Variants in ANKRD55 observed in about 807,000 individuals in gnomAD.
ANKRD55 encodes the protein ankyrin repeat domain-containing protein 55.
In ANKRD55, 41 loss-of-function variants were observed where a neutral mutation model predicts 60.6. The observed-to-expected ratio is 0.68, with a 90% CI of 0.53 to 0.88. The LOEUF is 0.88. Among genes scored for constraint, ANKRD55 ranks in the 40% least tolerant of loss-of-function variants. The pLI, the probability that ANKRD55 is intolerant of heterozygous loss-of-function variation, is 0.00. For synonymous variants in ANKRD55, 264 were observed against 290.3 expected (o/e 0.91, Z 0.92); for missense variants, 732 against 767.6 (o/e 0.95, Z 0.55).
At chr5:56,122,106 T>C (rs1158860106) in intron 8 of ANKRD55, among the ~76,000 whole-genome samples, 2 of 152,130 alleles carry the variant, frequency 1.3e-5, no homozygotes, top group East Asian at 3.9e-4. Flanking sequence ...GGAGATAGAG[T>C]TGCATCTCTG....
intron 2 of ANKRD55, chr5:56,193,200 A>C (rs1200033527): frequency 3.5e-6 from 3 of 848,468 alleles, no homozygotes; most frequent in Non-Finnish European, 5.5e-6. Flanking sequence ...CTAAGCAAAG[A>C]AAGCCTTGAA....
At chr5:56,183,438 T>C in intron 3 of ANKRD55, 74 bp downstream of exon 3, 1 of 1,574,056 alleles carries the variant, frequency 6.4e-7, no homozygotes, top group Non-Finnish European at 8.7e-7. Flanking sequence ...TTTATTAACA[T>C]TGCTCATGTC....
Position 56,111,327 on chromosome 5 carries a change from C to T in ANKRD55, c.1421G>A (p.Arg474Gln), listed in dbSNP as rs778736276. Residue 474 changes from arginine to glutamine, a missense_variant, in exon 10 of 12, where the codon CGA (arginine) becomes CAA (glutamine). Coordinates refer to ENST00000341048, the MANE Select transcript of ANKRD55 (RefSeq NM_024669.3). ...HHMAQRSQKS[R>Q]SEQDLLNNRT... ...GTTATTTAATAAATCCTGCTCACTT[C>T]GACTTTTCTGAGATCGCTGGGCCAT... is the stretch of plus-strand genomic sequence containing the variant. 33 of 1,614,002 alleles carry T rather than the reference C, an allele frequency of 2.0e-5. No individual in the cohort carries two copies. Among genetic ancestry groups the T allele is most frequent in the African/African-American group, 4.0e-5 (3 of 74,886 alleles).
intron 2 of ANKRD55, among the ~76,000 whole-genome samples, chr5:56,206,005 G>A (rs1759497953): frequency 7.1e-6 from 1 of 139,950 alleles, no homozygotes; most frequent in East Asian, 2.1e-4. Flanking sequence ...GACAGAGTCT[G>A]ACTCCCATCG....
At chr5:56,126,839 C>T in intron 8 of ANKRD55, 83 bp downstream of exon 8, 1 of 1,459,290 alleles carries the variant, frequency 6.9e-7, no homozygotes, top group African/African-American at 1.4e-5. Flanking sequence ...GTATAGGACA[C>T]CTCCTTAAAC....
At chr5:56,131,976 T>A (rs191204) in intron 7 of ANKRD55, among the ~76,000 whole-genome samples, 83,673 of 151,414 alleles carry the variant, frequency 0.55, 23,851 homozygotes, top group African/African-American at 0.7. Flanking sequence ...TTTGTTCAAA[T>A]TACTAACAGC....
intron 5 of ANKRD55, among the ~76,000 whole-genome samples, chr5:56,166,111 T>TTTCC (rs1758453389): frequency 1.3e-5 from 1 of 76,120 alleles, no homozygotes; most frequent in Non-Finnish European, 2.6e-5. Context: ...TCTTTCTTTC[T>TTTCC]TTCTTTCTTT....
chr5:56,127,186 A>T (rs562724825), intron 7 of ANKRD55, 80 bp from the exon 8 acceptor site: 1 of 1,347,236 alleles, frequency 7.4e-7, no homozygotes, highest in Admixed American at 3.0e-5. Context: ...ATAAAAATAC[A>T]AAGGAAAAAA....
chr5:56,195,177 A>G (rs964717663), intron 2 of ANKRD55, among the ~76,000 whole-genome samples: 15 of 152,256 alleles, frequency 9.9e-5, no homozygotes, highest in South Asian at 4.1e-4. Context: ...GATAATTCTA[A>G]CAACGCAGAA....
intron 11 of ANKRD55, among the ~76,000 whole-genome samples, chr5:56,101,994 G>A (rs161204): frequency 0.18 from 27,792 of 151,714 alleles, 3,044 homozygotes; most frequent in Middle Eastern, 0.36. Flanking sequence ...GGGAGGGAGT[G>A]TTATTTTTTT....
intron 11 of ANKRD55, 90 bp downstream of exon 11, chr5:56,102,402 AAG>A: frequency 9.8e-7 from 1 of 1,019,270 alleles, no homozygotes; most frequent in East Asian, 2.7e-5. Flanking sequence ...AAAAAAAAAA[AAG>A]AAAAATGAAA....
chr5:56,111,101 G>A lies in ANKRD55; in HGVS notation c.1630+17C>T. 6.2e-7 allele frequency: 1 copy of A among 1,603,708 alleles called. No individual in the cohort carries two copies. The highest frequency in any genetic ancestry group is 1.1e-5 in the South Asian group (1 of 89,332). ...TATAGAGCCTGCTGAGAATGAACAT[G>A]AAATCAAGGACATTACCTGATGATG... On this transcript the variant is annotated intron_variant, in intron 10 of 11. Transcript: ENST00000341048.
chr5:56,118,877 A>C (rs576280369), intron 8 of ANKRD55, among the ~76,000 whole-genome samples: 2 of 152,226 alleles, frequency 1.3e-5, no homozygotes, highest in African/African-American at 4.8e-5. Flanking sequence ...AAGAAAAACA[A>C]ACAAACAAAC....
intron 2 of ANKRD55, among the ~76,000 whole-genome samples, chr5:56,198,393 C>T (rs1182310970): frequency 6.6e-6 from 1 of 151,942 alleles, no homozygotes; most frequent in Non-Finnish European, 1.5e-5. Flanking sequence ...TCAAGCAATT[C>T]TCCTTCCTCA....
intron 2 of ANKRD55, among the ~76,000 whole-genome samples, chr5:56,204,249 C>A (rs1356255126): frequency 6.6e-6 from 1 of 152,104 alleles, no homozygotes; most frequent in Non-Finnish European, 1.5e-5. Flanking sequence ...GAGTAGATTG[C>A]AAAAATTTTC....
chr5:56,154,923 G>A (rs1758155334), intron 6 of ANKRD55, among the ~76,000 whole-genome samples: 1 of 152,144 alleles, frequency 6.6e-6, no homozygotes, highest in South Asian at 2.1e-4. Context: ...TGCAATTCTA[G>A]AACTGGGCTT....
At chr5:56,219,288 A>AAG (rs1554044152) in intron 2 of ANKRD55, among the ~76,000 whole-genome samples, 3 of 150,506 alleles carry the variant, frequency 2.0e-5, no homozygotes, top group South Asian at 2.1e-4. Flanking sequence ...AAAAAAAAAA[A>AAG]AAAAGAAAAA....
chr5:56,148,486 G>A (rs1757954360), intron 6 of ANKRD55, among the ~76,000 whole-genome samples: 1 of 152,108 alleles, frequency 6.6e-6, no homozygotes, highest in African/African-American at 2.4e-5. Context: ...GGTTGACTTG[G>A]GATCTGATTT....
intron 2 of ANKRD55, among the ~76,000 whole-genome samples, chr5:56,226,264 A>G (rs1317098686): frequency 6.6e-6 from 1 of 152,230 alleles, no homozygotes; most frequent in African/African-American, 2.4e-5. Context: ...GGTGCTGGGA[A>G]AACTGGCTAG....
Sources: gnomAD v4.1 joint callset for allele counts (sites outside exome capture counted in the v4.1 genomes callset) on GRCh38, gnomAD v4.1.1 for gene constraint, MANE v1.5 for transcripts, NCBI Gene and HGNC (gene_info 2026-07-23, HGNC 2026-07-21) for gene names.